Variants in CBFA2T3 observed in about 807,000 individuals in gnomAD.
The protein encoded by CBFA2T3 is transcriptional corepressor CBFA2T3.
In CBFA2T3, 31 loss-of-function variants were observed where a neutral mutation model predicts 58.6. The ratio of observed to expected loss-of-function variants is 0.53; its 90% CI spans 0.40 to 0.71. The LOEUF (loss-of-function observed/expected upper bound fraction) is 0.71, where lower values mean the gene tolerates loss of function less well. Ranked by LOEUF, CBFA2T3 falls within the 30% of genes least tolerant of loss-of-function variation. The probability of loss-of-function intolerance (pLI) is 0.00; values close to 1 mark genes in which losing one functional copy is unlikely to be tolerated. For synonymous variants in CBFA2T3, 531 were observed against 421.9 expected, an observed-to-expected ratio of 1.26 and a Z score of -3.17; for missense variants, 1,076 against 963.1, an observed-to-expected ratio of 1.12 and a Z score of -1.55.
chr16:88,921,613 C>T (rs78851773), intron 1 of CBFA2T3, among the ~76,000 whole-genome samples: 3 of 136,496 alleles, frequency 2.2e-5, no homozygotes, highest in Non-Finnish European at 4.7e-5. Flanking sequence ...GGAGGGGGGG[C>T]GGTTGGGGGG....
rs765863905 is a variant in CBFA2T3 at position 88,901,632 on chromosome 16, G to A, written c.176C>T (p.Ala59Val). Reference sequence around the variant, plus strand: ...CGCTGGGGAGTCCGGCATCGCTGAGGCCTTAGCTTTCCTGTCCACTGGGGC... The same window carrying A: ...CGCTGGGGAGTCCGGCATCGCTGAGACCTTAGCTTTCCTGTCCACTGGGGC... ...GPAPVDRKAK[A>V]SAMPDSPAEV... Residue 59 changes from alanine to valine, a missense_variant, in exon 2 of 12, where the codon GCC (alanine) becomes GTC (valine). Coordinates refer to ENST00000268679, the MANE Select transcript of CBFA2T3 (RefSeq NM_005187.6). 1 of 1,532,492 alleles carries A rather than the reference G, an allele frequency of 6.5e-7. No homozygotes were observed. Among genetic ancestry groups the A allele is most frequent in the Non-Finnish European group, 8.7e-7 (1 of 1,150,874 alleles). The allele number at this position is 1,532,492 out of a possible 1,614,324, so 94.9% of individuals were successfully genotyped here.
intron 8 of CBFA2T3, 138 bp from the exon 9 acceptor site, chr16:88,881,627 G>A: frequency 3.6e-6 from 3 of 829,772 alleles, no homozygotes; most frequent in Admixed American, 2.8e-5. Flanking sequence ...GGGGGTGAGG[G>A]AGGGCCCACC....
intron 1 of CBFA2T3, among the ~76,000 whole-genome samples, chr16:88,943,846 A>G (rs978653943): frequency 3.3e-5 from 5 of 152,120 alleles, no homozygotes; most frequent in Non-Finnish European, 5.9e-5. Context: ...TACCAGCCCT[A>G]TGTGAAAGAT....
chr16:88,922,274 T>C (rs1000126516), intron 1 of CBFA2T3, among the ~76,000 whole-genome samples: 1 of 152,222 alleles, frequency 6.6e-6, no homozygotes, highest in Non-Finnish European at 1.5e-5. Context: ...GATGCGGAGA[T>C]GGCCAGACCT....
intron 1 of CBFA2T3, among the ~76,000 whole-genome samples, chr16:88,960,036 A>G (rs1440069867): frequency 1.3e-5 from 2 of 152,144 alleles, no homozygotes; most frequent in Non-Finnish European, 2.9e-5. Context: ...AAAAAATAAT[A>G]ATAATAAATT....
rs766540423 is a variant in CBFA2T3, at chr16:88,886,054, T to G, written c.800A>C (p.Gln267Pro). The change falls in exon 6 of 12, where the codon CAG becomes CCG. Residue 267 changes from glutamine (Q) to proline (P), a missense_variant. By Grantham distance (76) the Gln-to-Pro change is moderately conservative. Transcript: ENST00000268679. Reference protein sequence around the residue: ...TPAQYLAQHEQLLLDASASSP... With the variant: ...TPAQYLAQHEPLLLDASASSP... ...GGAGGCGCTGGCGTCCAGCAGGAGCTGCTCATGCTGGGCCAAGTACTGGGC... is the reference window on the plus strand; with the variant it reads ...GGAGGCGCTGGCGTCCAGCAGGAGCGGCTCATGCTGGGCCAAGTACTGGGC... 2 of 1,586,602 alleles carry G rather than the reference T, an allele frequency of 1.3e-6. No homozygotes were observed. The highest frequency in any genetic ancestry group is 1.9e-4 in the Middle Eastern group (1 of 5,202).
intron 3 of CBFA2T3, among the ~76,000 whole-genome samples, chr16:88,892,844 G>A (rs559575322): frequency 6.6e-6 from 1 of 152,330 alleles, no homozygotes; most frequent in East Asian, 1.9e-4. Flanking sequence ...TGGAATGACT[G>A]CGTTCTGAGT....
chr16:88,962,867 C>T (rs896559630), intron 1 of CBFA2T3, among the ~76,000 whole-genome samples: 1 of 152,340 alleles, frequency 6.6e-6, no homozygotes, highest in East Asian at 1.9e-4. Flanking sequence ...ACATGAATTC[C>T]CAGGTCCACT....
chr16:88,898,222 C>G lies in CBFA2T3; in HGVS notation c.305-70G>C. On this transcript the variant is annotated intron_variant, in intron 2 of 11. Transcript: ENST00000268679. ...CAGGAGACTCTGCCCTCAGGGGCGCCCGCGGCCACCTTTTCCTACTTCTCA... is the reference window on the plus strand; with the variant it reads ...CAGGAGACTCTGCCCTCAGGGGCGCGCGCGGCCACCTTTTCCTACTTCTCA... 4.2e-6 allele frequency: 5 copies of G among 1,181,718 alleles called. No individual in the cohort carries two copies. In the South Asian group the frequency reaches 6.1e-5, roughly 14 times the overall value. 73.2% of individuals were successfully genotyped at this position (1,181,718 alleles called of 1,614,324 possible).
intron 1 of CBFA2T3, among the ~76,000 whole-genome samples, chr16:88,967,763 G>C (rs1411474580): frequency 1.3e-5 from 2 of 152,194 alleles, no homozygotes; most frequent in African/African-American, 4.8e-5. Flanking sequence ...CACACTGCCT[G>C]GGGGCTCGTC....
At position 88,878,543 on chromosome 16, in the gene CBFA2T3, A is replaced by G. The variant is rs554108497; in HGVS notation, c.1662+727T>C. Among the ~76,000 whole-genome samples the G allele has an allele frequency of 3.5e-4, 54 of 152,352 alleles. 1 individual carries two copies. The highest frequency in any genetic ancestry group is 1.2e-3 in the African/African-American group (49 of 41,586). On this transcript the variant is annotated intron_variant, in intron 11 of 11. Transcript: ENST00000268679. ...GCCTCCCAGGTGCACGGGCACAAGC[A>G]TCGTAATTCTCAGGCCTGCCGTGTG...
chr16:88,911,169 TG>T (rs1470937649), intron 1 of CBFA2T3, among the ~76,000 whole-genome samples: 8 of 152,344 alleles, frequency 5.3e-5, no homozygotes, highest in Admixed American at 2.0e-4. Context: ...ACCCTTCCTC[TG>T]GCCCCACTCA....
intron 1 of CBFA2T3, among the ~76,000 whole-genome samples, chr16:88,905,374 C>T (rs1311006703): frequency 1.3e-5 from 2 of 152,130 alleles, no homozygotes; most frequent in African/African-American, 4.8e-5. Context: ...CAGCTTCAAC[C>T]TCACTTCCCC....
At position 88,976,646 on chromosome 16, in the gene CBFA2T3, G is replaced by C. The variant is rs751459251; in HGVS notation, c.151+11C>G. ...GCCCCCACCCCACCACCTTCCCCTC[G>C]AGCCTCTTACCTGGGCCGCCCTTCC... is the stretch of plus-strand genomic sequence containing the variant. On this transcript the variant is annotated intron_variant, in intron 1 of 11. Coordinates refer to ENST00000268679, the MANE Select transcript of CBFA2T3 (RefSeq NM_005187.6). 6.5e-7 allele frequency: 1 copy of C among 1,548,904 alleles called. No individual in the cohort carries two copies. Among genetic ancestry groups the C allele is most frequent in the Non-Finnish European group, 8.7e-7 (1 of 1,143,940 alleles).
intron 1 of CBFA2T3, among the ~76,000 whole-genome samples, chr16:88,906,063 C>T (rs963574807): frequency 3.9e-5 from 6 of 152,022 alleles, no homozygotes; most frequent in African/African-American, 1.5e-4. Flanking sequence ...CCGTGCGCAG[C>T]AGGGGGGTCC....
chr16:88,919,827 G>A (rs986867091), intron 1 of CBFA2T3, among the ~76,000 whole-genome samples: 1 of 152,132 alleles, frequency 6.6e-6, no homozygotes, highest in Non-Finnish European at 1.5e-5. Flanking sequence ...TCTGGAGGCC[G>A]CATCAGACCC....
intron 3 of CBFA2T3, among the ~76,000 whole-genome samples, chr16:88,893,731 G>C (rs538397409): frequency 2.0e-4 from 30 of 152,364 alleles, no homozygotes; most frequent in Admixed American, 4.6e-4. Flanking sequence ...CCAGGGGCCT[G>C]GCAGACATGG....
Position 88,877,217 on chromosome 16 carries a change from C to T in CBFA2T3, c.1721G>A (p.Arg574His), listed in dbSNP as rs1368398064. 12 of 1,556,064 alleles carry T rather than the reference C, an allele frequency of 7.7e-6. No homozygotes were observed. The highest frequency in any genetic ancestry group is 2.4e-5 in the South Asian group (2 of 84,418). Residue 574 changes from arginine (R) to histidine (H), a missense_variant, in exon 12 of 12, where the codon CGC becomes CAC. Transcript: ENST00000268679. ...SETCSGCNAA[R>H]YCGSFCQHRD... is the part of the protein sequence containing the mutation. ...ATGCTGGCAGAAGGACCCGCAGTAGCGTGCCGCGTTGCAGCCGCTGCACGT... is the reference window on the plus strand; with the variant it reads ...ATGCTGGCAGAAGGACCCGCAGTAGTGTGCCGCGTTGCAGCCGCTGCACGT...
chr16:88,877,791 G>A lies in CBFA2T3; in HGVS notation c.1663-516C>T, dbSNP rs12448190. On this transcript the variant is annotated intron_variant, in intron 11 of 11. Transcript: ENST00000268679. ...CCTAGGCATCCCTGTGGGCAGAGGG[G>A]GTGGGGGATGCCACAAAAAGCCTGT... is the stretch of plus-strand genomic sequence containing the variant. Among the ~76,000 whole-genome samples the A allele has an allele frequency of 2.0e-3, 308 of 152,286 alleles. 2 individuals carry two copies. Among genetic ancestry groups the A allele is most frequent in the Admixed American group, 3.4e-3 (52 of 15,302 alleles).
Sources: allele counts gnomAD v4.1 joint callset (sites outside exome capture counted in the v4.1 genomes callset), GRCh38; gene constraint gnomAD v4.1.1; transcripts MANE v1.5; gene names NCBI Gene and HGNC (gene_info 2026-07-23, HGNC 2026-07-21).